FAM135B: variants seen among roughly 807,000 people sequenced by gnomAD.
The protein encoded by FAM135B is protein FAM135B.
In FAM135B, 43 loss-of-function variants were observed where a neutral mutation model predicts 127.7. That is an observed-to-expected ratio of 0.34 (90% CI 0.26 to 0.43). FAM135B has a LOEUF of 0.43. Ranked by LOEUF, FAM135B falls within the 20% of genes least tolerant of loss-of-function variation. FAM135B has a pLI of 1.00. For missense variants in FAM135B, 1,558 were observed against 1,725.6 expected (o/e 0.90, Z 1.72); for synonymous variants, 670 against 665.1 (o/e 1.01, Z -0.11).
rs899182591 is a variant in FAM135B at position 138,142,843 on chromosome 8, T to C, written c.3638+169A>G. ...ACAAACTATGGCAGAGATGAATGTG[T>C]ACGCCAGACCTGGTACTTACTTCTG... On this transcript the variant is annotated intron_variant, in intron 16 of 19. Transcript: ENST00000395297. The C allele has an allele frequency of 2.6e-4, 143 of 544,658 alleles. 3 individuals are homozygous for C. Among genetic ancestry groups the C allele is most frequent in the Admixed American group, 2.0e-4 (6 of 30,254 alleles). 33.7% of individuals were successfully genotyped at this position (544,658 alleles called of 1,614,324 possible). A position where few individuals can be genotyped will look rare whatever the true frequency, so the allele number is the denominator to read the frequency against.
At chr8:138,148,487 G>A (rs745534930) in intron 14 of FAM135B, 33 bp downstream of exon 14, 1 of 1,587,604 alleles carries the variant, frequency 6.3e-7, no homozygotes. Context: ...ATATATGACA[G>A]AATTTGGGAA....
At chr8:138,483,928 A>G (rs1037792784) in intron 1 of FAM135B, among the ~76,000 whole-genome samples, 7 of 152,232 alleles carry the variant, frequency 4.6e-5, no homozygotes, top group Admixed American at 3.3e-4. Flanking sequence ...TTGAATAAAA[A>G]TATCTAGGGG....
intron 2 of FAM135B, among the ~76,000 whole-genome samples, chr8:138,355,862 A>C (rs567291673): frequency 6.6e-6 from 1 of 152,308 alleles, no homozygotes; most frequent in East Asian, 1.9e-4. Context: ...CTATGGTAAG[A>C]ATGTGTCCCC....
chr8:138,133,835 G>A lies in FAM135B; in HGVS notation c.4016-1037C>T, dbSNP rs1214009305. Among the ~76,000 whole-genome samples the A allele has an allele frequency of 3.3e-5, 5 of 152,066 alleles. No individual in the cohort carries two copies. The East Asian group carries it at 9.6e-4, about 29-fold the overall frequency. On this transcript the variant is annotated intron_variant, in intron 19 of 19. Transcript: ENST00000395297. Reference sequence around the variant, plus strand: ...TTTCCCAGACTGGGATGGACAGCTGGACCCCCCCATCACGCATGGGGTATG... The same window carrying A: ...TTTCCCAGACTGGGATGGACAGCTGAACCCCCCCATCACGCATGGGGTATG...
At chr8:138,263,315 A>G (rs1822681594) in intron 4 of FAM135B, among the ~76,000 whole-genome samples, 1 of 152,126 alleles carries the variant, frequency 6.6e-6, no homozygotes, top group African/African-American at 2.4e-5. Flanking sequence ...CCAACCCTCC[A>G]GGACCCTGCA....
intron 1 of FAM135B, among the ~76,000 whole-genome samples, chr8:138,421,956 A>G (rs1834534959): frequency 6.6e-6 from 1 of 152,198 alleles, no homozygotes; most frequent in South Asian, 2.1e-4. Context: ...ATGGAACAGA[A>G]CAGGTTAGAG....
chr8:138,206,294 T>C (rs1295237424), intron 7 of FAM135B, among the ~76,000 whole-genome samples: 87 of 109,096 alleles, frequency 8.0e-4, no homozygotes, highest in East Asian at 1.4e-3. Flanking sequence ...CGCACAGCTC[T>C]ATCATCCCCT....
chr8:138,190,987 T>C (rs1281899789), intron 9 of FAM135B, among the ~76,000 whole-genome samples: 1 of 152,228 alleles, frequency 6.6e-6, no homozygotes, highest in Non-Finnish European at 1.5e-5. Flanking sequence ...AGCTATAGCC[T>C]GACCACCTTG....
intron 1 of FAM135B, among the ~76,000 whole-genome samples, chr8:138,468,842 C>T (rs1455227471): frequency 5.9e-5 from 9 of 152,064 alleles, no homozygotes; most frequent in Admixed American, 2.0e-4. Context: ...GTCAAGAGTT[C>T]GAGACCAGCC....
At chr8:138,189,472 C>T (rs143483338) in intron 9 of FAM135B, among the ~76,000 whole-genome samples, 2 of 152,344 alleles carry the variant, frequency 1.3e-5, no homozygotes, top group East Asian at 1.9e-4. Flanking sequence ...AAAGCAACCA[C>T]CTCATGCGAA....
At chr8:138,330,597 G>A (rs1010674967) in intron 2 of FAM135B, among the ~76,000 whole-genome samples, 2 of 152,018 alleles carry the variant, frequency 1.3e-5, no homozygotes, top group African/African-American at 2.4e-5. Context: ...AACCCCCTAA[G>A]CATGCTCATC....
intron 1 of FAM135B, among the ~76,000 whole-genome samples, chr8:138,476,961 GAGA>G (rs994654016): frequency 2.8e-4 from 42 of 152,212 alleles, no homozygotes; most frequent in African/African-American, 9.6e-4. Flanking sequence ...GTTAGCATGA[GAGA>G]AGAAGCCAAG....
chr8:138,301,567 C>G (rs1403325126), intron 3 of FAM135B, among the ~76,000 whole-genome samples: 1 of 152,106 alleles, frequency 6.6e-6, no homozygotes, highest in African/African-American at 2.4e-5. Flanking sequence ...TCAGATGTGG[C>G]TTTTCATCCA....
chr8:138,373,262 G>T (rs949630004), intron 1 of FAM135B, among the ~76,000 whole-genome samples: 1 of 151,966 alleles, frequency 6.6e-6, no homozygotes, highest in African/African-American at 2.4e-5. Context: ...AAGATTTCAT[G>T]GACATTTATT....
intron 9 of FAM135B, among the ~76,000 whole-genome samples, chr8:138,191,371 T>C (rs1291069392): frequency 6.6e-6 from 1 of 152,202 alleles, no homozygotes; most frequent in Non-Finnish European, 1.5e-5. Context: ...AATGAACATA[T>C]TGAGTCCAAG....
At position 138,151,755 on chromosome 8, in the gene FAM135B, A is replaced by G. The variant is rs761571044; in HGVS notation, c.2720T>C (p.Met907Thr). 7 of 1,614,062 alleles carry G rather than the reference A, an allele frequency of 4.3e-6. No individual in the cohort carries two copies. The South Asian group carries it at 7.7e-5, about 18-fold the overall frequency. ...HRALEETPKG[M>T]PKDLNVGQQA... ...CTGACCCACATTCAAGTCTTTAGGC[A>G]TGCCCTTTGGGGTTTCCTCAAGTGC... The change falls in exon 13 of 20, where the codon ATG (methionine) becomes ACG (threonine). Residue 907 changes from methionine to threonine, a missense_variant. Coordinates refer to ENST00000395297, the MANE Select transcript of FAM135B (RefSeq NM_015912.4).
At chr8:138,287,039 A>G (rs1469176326) in intron 3 of FAM135B, among the ~76,000 whole-genome samples, 2 of 152,236 alleles carry the variant, frequency 1.3e-5, no homozygotes, top group African/African-American at 4.8e-5. Context: ...TACAGGCAAA[A>G]GCTTCAATAC....
At chr8:138,463,708 A>T (rs997478798) in intron 1 of FAM135B, among the ~76,000 whole-genome samples, 2 of 152,086 alleles carry the variant, frequency 1.3e-5, no homozygotes, top group Non-Finnish European at 2.9e-5. Context: ...TCAGGGAGGG[A>T]GTTAGAAAAG....
chr8:138,429,919 C>T (rs1394978931), intron 1 of FAM135B, among the ~76,000 whole-genome samples: 1 of 152,148 alleles, frequency 6.6e-6, no homozygotes, highest in Non-Finnish European at 1.5e-5. Flanking sequence ...CTAGGTCATA[C>T]AGTCATACAG....
Sources: gnomAD v4.1 joint callset for allele counts (sites outside exome capture counted in the v4.1 genomes callset) on GRCh38, gnomAD v4.1.1 for gene constraint, MANE v1.5 for transcripts, NCBI Gene and HGNC (gene_info 2026-07-23, HGNC 2026-07-21) for gene names.